Variants in BAZ2B observed in about 807,000 individuals in gnomAD.
The protein encoded by BAZ2B is bromodomain adjacent to zinc finger domain protein 2B.
Under a neutral mutation model 246.0 loss-of-function variants are expected in BAZ2B, and 91 were observed. The observed-to-expected ratio is 0.37, with a 90% CI of 0.31 to 0.44. BAZ2B has a LOEUF of 0.44. Among genes scored for constraint, BAZ2B ranks in the 20% least tolerant of loss-of-function variants. The probability of loss-of-function intolerance (pLI) is 1.00; values close to 1 mark genes in which losing one functional copy is unlikely to be tolerated. For missense variants in BAZ2B, 2,332 were observed against 2,533.7 expected (o/e 0.92, Z 1.71); for synonymous variants, 855 against 860.0 (o/e 0.99, Z 0.10).
chr2:159,349,002 C>T lies in BAZ2B; in HGVS notation c.5137+5G>A, dbSNP rs745933853. 1.9e-6 allele frequency: 3 copies of T among 1,613,330 alleles called. No homozygotes were observed. Among genetic ancestry groups the T allele is most frequent in the Admixed American group, 1.7e-5 (1 of 59,974 alleles). On this transcript the variant is annotated splice_donor_5th_base_variant and intron_variant, in intron 29 of 36. Transcript: ENST00000392783. ...AGTGGCTGTAAACCATCTCAATGTA[C>T]CTACCTTCTGGAATAGGTTTTGGAC...
chr2:159,366,745 T>C (rs2060259612), intron 27 of BAZ2B, among the ~76,000 whole-genome samples: 1 of 152,240 alleles, frequency 6.6e-6, no homozygotes, highest in Non-Finnish European at 1.5e-5. Flanking sequence ...GCCAGATTGC[T>C]CATGGGAGCT....
the BAZ2B span, among the ~76,000 whole-genome samples, chr2:159,639,243 T>A: frequency 0.28 from 42,175 of 152,056 alleles, 7,369 homozygotes; most frequent in South Asian, 0.46. Flanking sequence ...AGACGAAAGC[T>A]GAGGGCTTTC....
chr2:159,693,316 G>A, the BAZ2B span: 1 of 151,464 alleles, frequency 6.6e-6, no homozygotes, highest in Non-Finnish European at 1.5e-5. Context: ...TGGGACTGGT[G>A]CTTTTTTATG....
intron 8 of BAZ2B, among the ~76,000 whole-genome samples, chr2:159,436,644 G>C (rs569453552): frequency 1.3e-5 from 2 of 152,134 alleles, no homozygotes; most frequent in African/African-American, 4.8e-5. Context: ...CCAGCTACTC[G>C]GGAGGCTGAG....
upstream of BAZ2B, among the ~76,000 whole-genome samples, chr2:159,620,716 C>T (rs182822356): frequency 3.3e-5 from 5 of 151,526 alleles, no homozygotes; most frequent in East Asian, 1.9e-4. Context: ...ATTCTGTATG[C>T]GGGAATATTC....
the BAZ2B span, among the ~76,000 whole-genome samples, chr2:159,652,297 C>T: frequency 1.3e-5 from 2 of 151,950 alleles, no homozygotes; most frequent in African/African-American, 4.8e-5. Flanking sequence ...GCAACCTCCA[C>T]CTCCCGGATT....
the BAZ2B span, among the ~76,000 whole-genome samples, chr2:159,699,983 GAC>G: frequency 6.6e-6 from 1 of 152,144 alleles, no homozygotes; most frequent in South Asian, 2.1e-4. Context: ...CAGAAAAGAA[GAC>G]AGTGAACCCA....
intron 31 of BAZ2B, among the ~76,000 whole-genome samples, chr2:159,338,927 C>T (rs1305267870): frequency 6.6e-6 from 1 of 152,074 alleles, no homozygotes; most frequent in Non-Finnish European, 1.5e-5. Context: ...ATGTATATGT[C>T]TGATCTCCCT....
At chr2:159,548,086 T>C (rs765995975) in intron 2 of BAZ2B, among the ~76,000 whole-genome samples, 3 of 152,156 alleles carry the variant, frequency 2.0e-5, no homozygotes, top group African/African-American at 4.8e-5. Flanking sequence ...CAATGGGAAA[T>C]AGATTTACAT....
At chr2:159,469,257 A>G (rs1406625472) in intron 3 of BAZ2B, among the ~76,000 whole-genome samples, 1 of 151,986 alleles carries the variant, frequency 6.6e-6, no homozygotes, top group Non-Finnish European at 1.5e-5. Flanking sequence ...GAAAGAAAAA[A>G]TCTCTCTACC....
At chr2:159,617,312 C>G (rs1357304328), upstream of BAZ2B, among the ~76,000 whole-genome samples, 1 of 152,058 alleles carries the variant, frequency 6.6e-6, no homozygotes, top group East Asian at 1.9e-4. Context: ...TTTTACCCTT[C>G]CACTCCCCCA....
chr2:159,518,220 G>C (rs1490641587), intron 2 of BAZ2B, among the ~76,000 whole-genome samples: 1 of 152,114 alleles, frequency 6.6e-6, no homozygotes, highest in Non-Finnish European at 1.5e-5. Flanking sequence ...TTTGATATTT[G>C]GTTTCACTGA....
the BAZ2B span, among the ~76,000 whole-genome samples, chr2:159,622,502 T>C: frequency 6.6e-6 from 1 of 151,978 alleles, no homozygotes. Context: ...TAAAGGGAAA[T>C]ACTGGTAAAT....
chr2:159,542,383 A>T (rs1299567001), intron 2 of BAZ2B, among the ~76,000 whole-genome samples: 4 of 152,260 alleles, frequency 2.6e-5, no homozygotes, highest in African/African-American at 9.6e-5. Context: ...CCACACAAAG[A>T]CACATTATAA....
chr2:159,583,172 T>C (rs1687244426), intron 1 of BAZ2B, among the ~76,000 whole-genome samples: 1 of 151,378 alleles, frequency 6.6e-6, no homozygotes, highest in South Asian at 2.1e-4. Context: ...TGGAGTACAG[T>C]GGCGCGATCT....
chr2:159,601,140 T>C (rs920489907), intron 1 of BAZ2B, among the ~76,000 whole-genome samples: 1 of 152,174 alleles, frequency 6.6e-6, no homozygotes, highest in Non-Finnish European at 1.5e-5. Flanking sequence ...ATGTAAACTA[T>C]ACTTCCTGTT....
chr2:159,378,225 C>T (rs2061621846), intron 25 of BAZ2B, among the ~76,000 whole-genome samples: 1 of 152,206 alleles, frequency 6.6e-6, no homozygotes. Flanking sequence ...TGGGTAATTA[C>T]ACTTCTGATA....
At chr2:159,344,200 C>T (rs2067318581) in intron 31 of BAZ2B, among the ~76,000 whole-genome samples, 2 of 151,936 alleles carry the variant, frequency 1.3e-5, no homozygotes, top group South Asian at 4.2e-4. Flanking sequence ...TCCAGCAATC[C>T]TACTACTGGG....
At chr2:159,679,100 G>A in the BAZ2B span, among the ~76,000 whole-genome samples, 1 of 151,890 alleles carries the variant, frequency 6.6e-6, no homozygotes, top group Non-Finnish European at 1.5e-5. Flanking sequence ...GTGAAACCCA[G>A]TCTCTGCTAA....
Sources: allele counts gnomAD v4.1 joint callset (sites outside exome capture counted in the v4.1 genomes callset), GRCh38; gene constraint gnomAD v4.1.1; transcripts MANE v1.5; gene names NCBI Gene and HGNC (gene_info 2026-07-23, HGNC 2026-07-21).